The following AMOTL1 variants were observed in gnomAD, a reference collection of about 807,000 sequenced individuals.
AMOTL1 encodes angiomotin-like protein 1.
Under a neutral mutation model 102.9 loss-of-function variants are expected in AMOTL1, and 45 were observed. That is an observed-to-expected ratio of 0.44 (90% CI 0.34 to 0.56). AMOTL1 has a LOEUF of 0.56. Ranked by LOEUF, AMOTL1 falls within the 20% of genes least tolerant of loss-of-function variation. The pLI, the probability that AMOTL1 is intolerant of heterozygous loss-of-function variation, is 0.01. For missense variants in AMOTL1, 1,114 were observed against 1,225.6 expected, an observed-to-expected ratio of 0.91 and a Z score of 1.36; for synonymous variants, 481 against 484.7, an observed-to-expected ratio of 0.99 and a Z score of 0.10.
At position 94,799,797 on chromosome 11, in the gene AMOTL1, G is replaced by T; in HGVS notation, c.607G>T (p.Gly203Trp). The T allele has an allele frequency of 6.2e-7, 1 of 1,601,168 alleles. No homozygotes were observed. Among genetic ancestry groups the T allele is most frequent in the Non-Finnish European group, 8.5e-7 (1 of 1,172,956 alleles). The change falls in exon 3 of 13, where the codon GGG (glycine) becomes TGG (tryptophan). Residue 203 changes from glycine to tryptophan, a missense_variant. Coordinates refer to ENST00000433060, the MANE Select transcript of AMOTL1 (RefSeq NM_130847.3). The surrounding 1 kb of genome is among the most constrained non-coding windows in gnomAD (Gnocchi z 4.5). ...EAKAQSQFFRGQQQQQQQQGA... is the reference protein window; with the variant it reads ...EAKAQSQFFRWQQQQQQQQGA... ...CAAAGCACAGTCGCAGTTCTTCAGG[G>T]GGCAGCAGCAGCAGCAACAGCAGCA... is the stretch of plus-strand genomic sequence containing the variant.
chr11:94,838,614 G>A (rs761753280), intron 6 of AMOTL1, among the ~76,000 whole-genome samples: 33 of 152,130 alleles, frequency 2.2e-4, no homozygotes, highest in South Asian at 2.1e-4. Flanking sequence ...CAGGAACCTA[G>A]TCATGGAAAA....
chr11:94,789,355 C>T (rs1343127574), intron 1 of AMOTL1, among the ~76,000 whole-genome samples: 2 of 152,200 alleles, frequency 1.3e-5, no homozygotes, highest in African/African-American at 4.8e-5. Context: ...GACAGGGTTT[C>T]ACCATGTTGG....
chr11:94,710,906 T>C (rs770428206), intron 1 of AMOTL1, among the ~76,000 whole-genome samples: 4 of 152,208 alleles, frequency 2.6e-5, no homozygotes, highest in Non-Finnish European at 5.9e-5. Context: ...GGTAGTTGAA[T>C]AGTTCAGTGC....
chr11:94,720,192 G>T (rs993606452), intron 1 of AMOTL1, among the ~76,000 whole-genome samples: 5 of 152,078 alleles, frequency 3.3e-5, no homozygotes, highest in African/African-American at 1.2e-4. Context: ...ATGTGGAAAA[G>T]AACTTTGCTC....
At chr11:94,805,916 C>T (rs1457050547) in intron 3 of AMOTL1, among the ~76,000 whole-genome samples, 1 of 152,212 alleles carries the variant, frequency 6.6e-6, no homozygotes, top group Non-Finnish European at 1.5e-5. Context: ...CAGCCATCAC[C>T]ACCACCTTCT....
At chr11:94,846,264 G>T (rs1323320283) in intron 6 of AMOTL1, among the ~76,000 whole-genome samples, 1 of 152,184 alleles carries the variant, frequency 6.6e-6, no homozygotes, top group Non-Finnish European at 1.5e-5. Context: ...CTTTGCCCAT[G>T]TCCTTACGTC....
chr11:94,854,362 C>T (rs1952614952), intron 8 of AMOTL1, among the ~76,000 whole-genome samples: 1 of 152,116 alleles, frequency 6.6e-6, no homozygotes, highest in African/African-American at 2.4e-5. Context: ...GACATTTGAG[C>T]TGGACATTGA....
chr11:94,843,081 A>G (rs1952340486), intron 6 of AMOTL1, among the ~76,000 whole-genome samples: 1 of 152,202 alleles, frequency 6.6e-6, no homozygotes, highest in African/African-American at 2.4e-5. Flanking sequence ...CAGAAAGCTG[A>G]AGACCCTTTC....
At chr11:94,771,352 C>T (rs1047786444) in intron 1 of AMOTL1, among the ~76,000 whole-genome samples, 1 of 151,356 alleles carries the variant, frequency 6.6e-6, no homozygotes, top group Admixed American at 6.6e-5. Flanking sequence ...AATTTTTCTC[C>T]TATTTTTCAT....
At position 94,799,825 on chromosome 11, in the gene AMOTL1, G is replaced by A. The variant is rs767293484; in HGVS notation, c.635G>A (p.Gly212Glu). 3 of 1,595,038 alleles carry A rather than the reference G, an allele frequency of 1.9e-6. No individual in the cohort carries two copies. In the South Asian group the frequency reaches 3.4e-5, roughly 18 times the overall value. Residue 212 changes from glycine (G) to glutamate (E), a missense_variant, in exon 3 of 13, where the codon GGG (glycine) becomes GAG (glutamate). Physicochemically the swap from Gly to Glu is moderately conservative, Grantham distance 98 (BLOSUM62 -2). Coordinates refer to ENST00000433060, the MANE Select transcript of AMOTL1 (RefSeq NM_130847.3). This position sits in a 1 kb window ranked among gnomAD's most constrained non-coding sequence, Gnocchi z 4.5. Reference protein sequence around the residue: ...RGQQQQQQQQGAVGHGYYMAG... With the variant: ...RGQQQQQQQQEAVGHGYYMAG... Reference sequence around the variant, plus strand: ...CAGCAGCAGCAGCAACAGCAGCAGGGGGCGGTGGGCCATGGTTACTACATG... The same window carrying A: ...CAGCAGCAGCAGCAACAGCAGCAGGAGGCGGTGGGCCATGGTTACTACATG...
intron 8 of AMOTL1, among the ~76,000 whole-genome samples, chr11:94,858,964 C>T (rs1952720067): frequency 6.6e-6 from 1 of 152,192 alleles, no homozygotes; most frequent in South Asian, 2.1e-4. Flanking sequence ...GTTTGATTCT[C>T]ATTCTCAGGC....
intron 4 of AMOTL1, among the ~76,000 whole-genome samples, chr11:94,824,044 T>G (rs1951918537): frequency 6.6e-6 from 1 of 152,184 alleles, no homozygotes; most frequent in Admixed American, 6.5e-5. Context: ...TTGATTTTGA[T>G]GCACATTTCC....
intron 5 of AMOTL1, among the ~76,000 whole-genome samples, chr11:94,831,179 A>G (rs1455645098): frequency 2.0e-5 from 3 of 152,182 alleles, no homozygotes; most frequent in Non-Finnish European, 4.4e-5. Context: ...CCTTGGAGGC[A>G]GTGAGGTGGT....
intron 6 of AMOTL1, among the ~76,000 whole-genome samples, chr11:94,837,538 A>G (rs1952209191): frequency 6.6e-6 from 1 of 152,172 alleles, no homozygotes; most frequent in Non-Finnish European, 1.5e-5. Context: ...GCTTAAGCCC[A>G]CTTGATCAAC....
At chr11:94,830,925 G>T (rs1952056527) in intron 5 of AMOTL1, among the ~76,000 whole-genome samples, 1 of 152,206 alleles carries the variant, frequency 6.6e-6, no homozygotes, top group South Asian at 2.1e-4. Context: ...TGTTGAGTTG[G>T]ATTATTTATT....
At chr11:94,848,188 G>A (rs560851615) in intron 6 of AMOTL1, among the ~76,000 whole-genome samples, 4 of 152,272 alleles carry the variant, frequency 2.6e-5, no homozygotes, top group East Asian at 1.9e-4. Flanking sequence ...GGATGGGGAC[G>A]GGCAGCGCTA....
intron 7 of AMOTL1, among the ~76,000 whole-genome samples, chr11:94,850,647 C>T (rs991100459): frequency 6.6e-5 from 10 of 152,150 alleles, no homozygotes; most frequent in East Asian, 5.8e-4. Context: ...TTAAAATGAC[C>T]ATTTCCGAGG....
chr11:94,734,758 T>C (rs968547098), intron 2 of AMOTL1, among the ~76,000 whole-genome samples: 3 of 152,132 alleles, frequency 2.0e-5, no homozygotes, highest in Non-Finnish European at 4.4e-5. Context: ...GCAGAGAAGA[T>C]GATCAAAGGG....
intron 2 of AMOTL1, among the ~76,000 whole-genome samples, chr11:94,733,281 T>G (rs1950384740): frequency 1.3e-5 from 2 of 152,388 alleles, no homozygotes; most frequent in South Asian, 4.1e-4. Flanking sequence ...TTGCGTACTC[T>G]GTAGTGAACA....
Sources: allele counts gnomAD v4.1 joint callset (sites outside exome capture counted in the v4.1 genomes callset), GRCh38; gene constraint gnomAD v4.1.1; non-coding constraint Gnocchi (gnomAD v3.1); transcripts MANE v1.5; gene names NCBI Gene and HGNC (gene_info 2026-07-23, HGNC 2026-07-21).